PIK3IP1: variants seen among roughly 807,000 people sequenced by gnomAD.
The protein encoded by PIK3IP1 is phosphoinositide-3-kinase-interacting protein 1.
PIK3IP1 carries 28 observed loss-of-function variants against 30.7 expected under a neutral mutation model. That is an observed-to-expected ratio of 0.91 (90% CI 0.68 to 1.25). The LOEUF (loss-of-function observed/expected upper bound fraction) is 1.25, where lower values mean the gene tolerates loss of function less well. PIK3IP1 is among the 50% of genes most tolerant of loss of function. PIK3IP1 has a pLI of 0.00. For missense variants in PIK3IP1, 333 were observed against 346.2 expected (o/e 0.96, Z 0.30); for synonymous variants, 159 against 140.8 (o/e 1.13, Z -0.91).
intron 1 of PIK3IP1, among the ~76,000 whole-genome samples, chr22:31,291,825 GA>G (rs1342149597): frequency 1.3e-5 from 2 of 152,110 alleles, no homozygotes; most frequent in African/African-American, 4.8e-5. Context: ...CCTCCCAGGA[GA>G]ATTCTCCAGG....
chr22:31,283,249 A>T lies in PIK3IP1; in HGVS notation c.627T>A (p.Cys209Ter). ...GAGTGATTCGCTGCATCTCCCTCTC[A>T]CATACTTTCTGATCATGCTGTTCTT... ...DLKEQHDQKV[C>*]EREMQRITLP... Residue 209 changes from cysteine (C) to a stop codon, truncating the protein, a stop_gained, in exon 6 of 6, where the codon TGT becomes TGA. Coordinates refer to ENST00000215912, the MANE Select transcript of PIK3IP1 (RefSeq NM_052880.5). LOFTEE classifies it high-confidence loss of function. 1 of 1,614,134 alleles carries T rather than the reference A, an allele frequency of 6.2e-7. No homozygotes were observed. The highest frequency in any genetic ancestry group is 8.5e-7 in the Non-Finnish European group (1 of 1,180,012).
rs760544158 is a variant in PIK3IP1, at chr22:31,291,241, C to T, written c.126G>A (p.Pro42=). 7 of 1,551,636 alleles carry T rather than the reference C, an allele frequency of 4.5e-6. No homozygotes were observed. The East Asian group carries it at 9.8e-5, about 22-fold the overall frequency. The change falls in exon 2 of 6, where the codon CCG becomes CCA. Residue 42 remains proline (P), a synonymous_variant. Transcript: ENST00000215912. The part of the protein sequence containing the change: ...LYREDQTSPA[P]GLRCLNWLDA... ...CCAGCCAGTTGAGGCAGCGGAGGCC[C>T]GGCGCGGGGGAGGTCTGGTCCTCCC...
At chr22:31,290,293 G>A (rs1051531280) in intron 3 of PIK3IP1, 2 of 152,478 alleles carry the variant, frequency 1.3e-5, no homozygotes, top group African/African-American at 4.8e-5. Context: ...AGCGGCTGAG[G>A]CAGGAGAATC....
chr22:31,289,793 G>A lies in PIK3IP1; in HGVS notation c.308-94C>T, dbSNP rs550254621. 95 of 1,342,738 alleles carry A rather than the reference G, an allele frequency of 7.1e-5. 3 individuals are homozygous for A. In the Middle Eastern group the frequency reaches 1.1e-3, roughly 16 times the overall value. The allele number at this position is 1,342,738 out of a possible 1,614,324, so 83.2% of individuals were successfully genotyped here. A position where few individuals can be genotyped will look rare whatever the true frequency, so the allele number is the denominator to read the frequency against. On this transcript the variant is annotated intron_variant, in intron 3 of 5. Transcript: ENST00000215912. ...CTGAGTGTTAGGGTAGATGAAGGTG[G>A]GTCACCTAAGAATTTCCCCCCACAC...
At position 31,292,292 on chromosome 22, in the gene PIK3IP1, TCTG is replaced by T. The variant is rs758773871; in HGVS notation, c.50_52del (p.Ala17del). 1 of 1,614,170 alleles carries T rather than the reference TCTG, an allele frequency of 6.2e-7. No homozygotes were observed. Among genetic ancestry groups the T allele is most frequent in the Admixed American group, 1.7e-5 (1 of 60,020 alleles). On this transcript the variant is annotated inframe_deletion, in exon 1 of 6. Transcript: ENST00000215912. ...AATCTCACCTCCAGATCCATAGGCT[TCTG>T]CTAGGAGCATGTTGCTGACGAGGAA... is the stretch of plus-strand genomic sequence containing the variant.
intron 3 of PIK3IP1, 60 bp downstream of exon 3, chr22:31,290,905 T>A: frequency 1.3e-6 from 2 of 1,493,780 alleles, no homozygotes; most frequent in Non-Finnish European, 1.8e-6. Context: ...GCGCCACGAG[T>A]GTCTCAGCCG....
intron 1 of PIK3IP1, 95 bp from the exon 2 acceptor site, chr22:31,291,391 A>T: frequency 8.0e-7 from 1 of 1,252,690 alleles, no homozygotes; most frequent in Non-Finnish European, 1.1e-6. Context: ...ACCCGGGCTG[A>T]ACCTCAGCCT....
chr22:31,284,495 TGTGA>T (rs2049116665), intron 5 of PIK3IP1, among the ~76,000 whole-genome samples: 1 of 152,212 alleles, frequency 6.6e-6, no homozygotes, highest in South Asian at 2.1e-4. Context: ...TAATGGTGCC[TGTGA>T]GTCCTAGAGA....
chr22:31,292,195 C>G lies in PIK3IP1; in HGVS notation c.70+80G>C, dbSNP rs975008804. 18 of 1,404,990 alleles carry G rather than the reference C, an allele frequency of 1.3e-5. No homozygotes were observed. In the African/African-American group the frequency reaches 2.6e-4, roughly 20 times the overall value. The allele number at this position is 1,404,990 out of a possible 1,614,324, so 87.0% of individuals were successfully genotyped here. On this transcript the variant is annotated intron_variant, in intron 1 of 5. Coordinates refer to ENST00000215912, the MANE Select transcript of PIK3IP1 (RefSeq NM_052880.5). ...GCTAAACGCTTCGTTTCCTGTCATC[C>G]TGGCCCTGTTTGGGAAATAGGGGGC... is the stretch of plus-strand genomic sequence containing the variant.
Position 31,290,957 on chromosome 22 carries a change from G to A in PIK3IP1, c.307+8C>T. The A allele has an allele frequency of 6.4e-7, 1 of 1,571,406 alleles. No individual in the cohort carries two copies. The highest frequency in any genetic ancestry group is 1.9e-5 in the Admixed American group (1 of 52,762). On this transcript the variant is annotated splice_region_variant and intron_variant, in intron 3 of 5. Transcript: ENST00000215912. ...GGAGCGGGGATTCCCGGGGTCCCGG[G>A]CAGGTACCTGGACAGCGCAGGTCCT...
rs1336770453 is a variant in PIK3IP1, at chr22:31,282,151, T to G, written c.*933A>C. The G allele has an allele frequency of 6.6e-6, 1 of 152,278 alleles. No homozygotes were observed. Among genetic ancestry groups the G allele is most frequent in the Non-Finnish European group, 1.5e-5 (1 of 68,088 alleles). 9.4% of individuals were successfully genotyped at this position (152,278 alleles called of 1,614,324 possible). On this transcript the variant is annotated 3_prime_UTR_variant, in exon 6 of 6. Transcript: ENST00000215912. ...TGACCTGGACGCCCGCAGGACCACC[T>G]GCTAAATCAGGCCCACTTGGGGAGC... is the stretch of plus-strand genomic sequence containing the variant.
chr22:31,286,209 GA>G (rs1364740069), intron 5 of PIK3IP1, among the ~76,000 whole-genome samples: 1 of 151,996 alleles, frequency 6.6e-6, no homozygotes, highest in Non-Finnish European at 1.5e-5. Context: ...TACTTATTAA[GA>G]AAGCATGAAA....
At chr22:31,289,155 GGGTTTGTCCAA>G (rs1353446708) in intron 5 of PIK3IP1, 149 bp downstream of exon 5, 3 of 689,992 alleles carry the variant, frequency 4.3e-6, no homozygotes, top group East Asian at 5.4e-5. Flanking sequence ...CCAAAGGAAA[GGGTTTGTCCAA>G]GGTCAGCAGA....
Position 31,282,956 on chromosome 22 carries a change from G to T in PIK3IP1, c.*128C>A. ...CCACCTGCTTCTGTCACTCTTACTA[G>T]GATTCGCCAAAAAAGCGGGGGAGTG... On this transcript the variant is annotated 3_prime_UTR_variant, in exon 6 of 6. Coordinates refer to ENST00000215912, the MANE Select transcript of PIK3IP1 (RefSeq NM_052880.5). 1.4e-6 allele frequency: 1 copy of T among 718,578 alleles called. No homozygotes were observed. The highest frequency in any genetic ancestry group is 2.3e-6 in the Non-Finnish European group (1 of 438,366). The allele number at this position is 718,578 out of a possible 1,614,324, so 44.5% of individuals were successfully genotyped here.
In PIK3IP1 at chr22:31,287,713, ATAGCTC is replaced by A. The variant is rs1347588165; in HGVS notation, c.587+1596_587+1601del. ...ACCCTGAGCTAAGTAGTCAAAAGCC[ATAGCTC>A]CACACCATGATGTGGAGTAGGAAAT... On this transcript the variant is annotated intron_variant, in intron 5 of 5. Transcript: ENST00000215912. Among the ~76,000 whole-genome samples the A allele has an allele frequency of 2.6e-5, 4 of 152,108 alleles. No homozygotes were observed. In the East Asian group the frequency reaches 5.8e-4, roughly 22 times the overall value.
chr22:31,282,798 A>C lies in PIK3IP1; in HGVS notation c.*286T>G. On this transcript the variant is annotated 3_prime_UTR_variant, in exon 6 of 6. Coordinates refer to ENST00000215912, the MANE Select transcript of PIK3IP1 (RefSeq NM_052880.5). ...TGGTTCAGTTCCAGGGGTGCAGGCAATGTTTGGAAGCCCTTAGCAGCAGCA... is the reference window on the plus strand; with the variant it reads ...TGGTTCAGTTCCAGGGGTGCAGGCACTGTTTGGAAGCCCTTAGCAGCAGCA... 1.1e-5 allele frequency: 4 copies of C among 375,324 alleles called. No individual in the cohort carries two copies. Among genetic ancestry groups the C allele is most frequent in the Non-Finnish European group, 2.0e-5 (4 of 200,960 alleles). The allele number at this position is 375,324 out of a possible 1,614,324, so 23.2% of individuals were successfully genotyped here.
At chr22:31,290,714 G>A (rs2049168400) in intron 3 of PIK3IP1, 3 of 478,714 alleles carry the variant, frequency 6.3e-6, no homozygotes, top group South Asian at 3.8e-5. Flanking sequence ...GCGCGGCGGA[G>A]AGACCTAGCC....
intron 3 of PIK3IP1, chr22:31,290,070 C>G (rs554807501): frequency 5.2e-6 from 1 of 191,506 alleles, no homozygotes; most frequent in Admixed American, 5.8e-5. Context: ...TCTAAGCGTA[C>G]GCTCTGTGCC....
chr22:31,290,514 G>A (rs2049166011), intron 3 of PIK3IP1: 3 of 159,090 alleles, frequency 1.9e-5, no homozygotes, highest in Non-Finnish European at 4.1e-5. Context: ...ATTCAAATCT[G>A]TCCCCTGCCA....
Sources: gnomAD v4.1 joint callset for allele counts (sites outside exome capture counted in the v4.1 genomes callset) on GRCh38, gnomAD v4.1.1 for gene constraint, MANE v1.5 for transcripts, NCBI Gene and HGNC (gene_info 2026-07-23, HGNC 2026-07-21) for gene names.